Variants in ZNF554 observed in about 807,000 individuals in gnomAD.
ZNF554 encodes zinc finger protein 554.
In ZNF554, 15 loss-of-function variants were observed where a neutral mutation model predicts 21.2. That is an observed-to-expected ratio of 0.71 (90% CI 0.47 to 1.09). The LOEUF is 1.09. Ranked by LOEUF, ZNF554 falls within the 50% of genes least tolerant of loss-of-function variation. The pLI is 0.00. For synonymous variants in ZNF554, 258 were observed against 251.4 expected (o/e 1.03, Z -0.25); for missense variants, 691 against 662.7 (o/e 1.04, Z -0.47).
chr19:2,820,071 G>A lies in ZNF554; in HGVS notation c.-1G>A, dbSNP rs538697464. 8.3e-5 allele frequency: 101 copies of A among 1,211,396 alleles called. 1 individual carries two copies. The South Asian group carries it at 3.2e-3, about 39-fold the overall frequency. 75.0% of individuals were successfully genotyped at this position (1,211,396 alleles called of 1,614,324 possible). A position where few individuals can be genotyped will look rare whatever the true frequency, so the allele number is the denominator to read the frequency against. The stretch of plus-strand genomic sequence containing the variant: ...TGTCTGGCGCCTCAGCGCGCGCCCC[G>A]ATGGTCACCTGCGCCCACCTGGGCC... On this transcript the variant is annotated 5_prime_UTR_variant, in exon 1 of 5. Transcript: ENST00000317243.
chr19:2,823,119 T>C lies in ZNF554; in HGVS notation c.126+7T>C. ...CCTGCCCCGCTGGTCCCAGGTGAGA[T>C]GTCCTCATTCTCCCAAAGGGCACCC... On this transcript the variant is annotated splice_region_variant and intron_variant, in intron 2 of 4. Transcript: ENST00000317243. 6.2e-7 allele frequency: 1 copy of C among 1,611,626 alleles called. No homozygotes were observed. The highest frequency in any genetic ancestry group is 8.5e-7 in the Non-Finnish European group (1 of 1,178,188).
At position 2,835,174 on chromosome 19, in the gene ZNF554, T is replaced by G. The variant is rs1028535050; in HGVS notation, c.*322T>G. On this transcript the variant is annotated 3_prime_UTR_variant, in exon 5 of 5. Transcript: ENST00000317243. ...CCACCACGCCCAGCAAATTTTTAAA[T>G]TTATTATAGAGTGGGAGGCAGGGTG... 4.7e-5 allele frequency: 11 copies of G among 232,002 alleles called. No individual in the cohort carries two copies. Among genetic ancestry groups the G allele is most frequent in the Admixed American group, 1.0e-4 (2 of 19,764 alleles). 14.4% of individuals were successfully genotyped at this position (232,002 alleles called of 1,614,324 possible).
rs752547592 is a variant in ZNF554 at position 2,832,324 on chromosome 19, C to T, written c.275C>T (p.Thr92Ile). 1 of 1,606,280 alleles carries T rather than the reference C, an allele frequency of 6.2e-7. No homozygotes were observed. Among genetic ancestry groups the T allele is most frequent in the Non-Finnish European group, 8.5e-7 (1 of 1,177,408 alleles). ...VSLEALKNQC[T>I]DVGIKEGPLS... ...TCAGAAGCCTTGAAGAACCAATGTACTGATGTGGGGATTAAAGAGGGTCCA... is the reference window on the plus strand; with the variant it reads ...TCAGAAGCCTTGAAGAACCAATGTATTGATGTGGGGATTAAAGAGGGTCCA... The change falls in exon 4 of 5, where the codon ACT (threonine) becomes ATT (isoleucine). Residue 92 changes from threonine (T) to isoleucine (I), a missense_variant. Transcript: ENST00000317243.
In ZNF554 at chr19:2,827,755, A is replaced by G; in HGVS notation, c.253+12A>G. 1.9e-6 allele frequency: 3 copies of G among 1,613,902 alleles called. No individual in the cohort carries two copies. The highest frequency in any genetic ancestry group is 1.7e-6 in the Non-Finnish European group (2 of 1,179,906). On this transcript the variant is annotated intron_variant, in intron 3 of 4. Transcript: ENST00000317243. Reference sequence around the variant, plus strand: ...CGTGGTCTCCCTGGGTAAGGCAAGCATCACTAATTCCTGTGTTCATTGATT... The same window carrying G: ...CGTGGTCTCCCTGGGTAAGGCAAGCGTCACTAATTCCTGTGTTCATTGATT...
chr19:2,819,988 C>A lies in ZNF554; in HGVS notation c.-84C>A, dbSNP rs563305400. 2.2e-5 allele frequency: 24 copies of A among 1,083,442 alleles called. 1 individual carries two copies. The South Asian group carries it at 1.0e-3, about 46-fold the overall frequency. 67.1% of individuals were successfully genotyped at this position (1,083,442 alleles called of 1,614,324 possible). A position where few individuals can be genotyped will look rare whatever the true frequency, so the allele number is the denominator to read the frequency against. On this transcript the variant is annotated 5_prime_UTR_variant, in exon 1 of 5. Coordinates refer to ENST00000317243, the MANE Select transcript of ZNF554 (RefSeq NM_001102651.2). ...GAGGAGCCGAGCGGAGGAGGCGTCC[C>A]AGGGACACGCAGGGGAGGCCGGCCG... is the stretch of plus-strand genomic sequence containing the variant.
chr19:2,824,831 C>G (rs1345209058), intron 2 of ZNF554, among the ~76,000 whole-genome samples: 2 of 152,086 alleles, frequency 1.3e-5, no homozygotes, highest in African/African-American at 2.4e-5. Flanking sequence ...AACTGAAGCT[C>G]TGTCCCCATG....
intron 3 of ZNF554, among the ~76,000 whole-genome samples, chr19:2,829,326 T>G (rs2087380507): frequency 6.6e-6 from 1 of 152,204 alleles, no homozygotes; most frequent in East Asian, 1.9e-4. Flanking sequence ...ACCACTGGAC[T>G]CCAGCCTGGG....
At chr19:2,826,178 G>A (rs981669833) in intron 2 of ZNF554, 1 of 145,650 alleles carries the variant, frequency 6.9e-6, no homozygotes, top group Admixed American at 7.0e-5. Flanking sequence ...GGGATTACAG[G>A]TGTGAGCCAC....
chr19:2,830,552 A>G (rs1033272564), intron 3 of ZNF554: 2 of 152,074 alleles, frequency 1.3e-5, no homozygotes, highest in African/African-American at 2.4e-5. Flanking sequence ...CGGTAATTCT[A>G]TGTTTAGAAT....
chr19:2,827,469 G>A (rs1359848544), intron 2 of ZNF554, 148 bp from the exon 3 acceptor site: 6 of 926,548 alleles, frequency 6.5e-6, no homozygotes, highest in Non-Finnish European at 9.5e-6. Flanking sequence ...CCAAGGACAA[G>A]CACCCACAAG....
chr19:2,823,227 TC>T (rs1413294538), intron 2 of ZNF554, 115 bp downstream of exon 2: 1 of 1,028,744 alleles, frequency 9.7e-7, no homozygotes, highest in Non-Finnish European at 1.4e-6. Context: ...TCAGGAGAAT[TC>T]CCCAGGAGTG....
At position 2,835,945 on chromosome 19, in the gene ZNF554, C is replaced by G. The variant is rs1329422072; in HGVS notation, c.*1093C>G. On this transcript the variant is annotated 3_prime_UTR_variant, in exon 5 of 5. Coordinates refer to ENST00000317243, the MANE Select transcript of ZNF554 (RefSeq NM_001102651.2). The stretch of plus-strand genomic sequence containing the variant: ...CTGGACTCAAGCAATCCTCCCACCT[C>G]AGCCTCTCCGGTAGCTGGGACTACA... Among the ~76,000 whole-genome samples the G allele has an allele frequency of 3.3e-5, 5 of 152,126 alleles. No individual in the cohort carries two copies. The highest frequency in any genetic ancestry group is 3.3e-4 in the Admixed American group (5 of 15,260).
In ZNF554 at chr19:2,821,609, C is replaced by T. The variant is rs1475168476; in HGVS notation, c.54-1431C>T. Among the ~76,000 whole-genome samples, 2 of 151,900 alleles carry T rather than the reference C, an allele frequency of 1.3e-5. No individual in the cohort carries two copies. Among genetic ancestry groups the T allele is most frequent in the Admixed American group, 1.3e-4 (2 of 15,270 alleles). ...TCCCTTGGCTTGGGGCCACATCACT[C>T]CAAGCTCTGCCTGCATCATCATGTG... On this transcript the variant is annotated intron_variant, in intron 1 of 4. Transcript: ENST00000317243. This position sits in a 1 kb window ranked among gnomAD's most constrained non-coding sequence, Gnocchi z 8.2.
At position 2,834,658 on chromosome 19, in the gene ZNF554, C is replaced by A; in HGVS notation, c.1423C>A (p.Gln475Lys). 1 of 1,614,038 alleles carries A rather than the reference C, an allele frequency of 6.2e-7. No individual in the cohort carries two copies. Among genetic ancestry groups the A allele is most frequent in the South Asian group, 1.1e-5 (1 of 91,080 alleles). The part of the protein sequence containing the change: ...ECKQCGRAFS[Q>K]RSSLVRHERT... The stretch of plus-strand genomic sequence containing the variant: ...TAAGCAGTGTGGGAGAGCCTTCAGC[C>A]AGAGGTCTTCCCTTGTGAGGCACGA... Residue 475 changes from glutamine (Q) to lysine (K), a missense_variant, in exon 5 of 5, where the codon CAG (glutamine) becomes AAG (lysine). Physicochemically the swap from Gln to Lys is moderately conservative, Grantham distance 53. Coordinates refer to ENST00000317243, the MANE Select transcript of ZNF554 (RefSeq NM_001102651.2).
Position 2,825,000 on chromosome 19 carries a change from G to GTTTTTTTT in ZNF554, c.126+1890_126+1891insTTTTTTTT, listed in dbSNP as rs1568332468. 1.7e-5 allele frequency among the ~76,000 whole-genome samples: 2 copies of GTTTTTTTT among 114,914 alleles called. 1 individual carries two copies. The highest frequency in any genetic ancestry group is 3.6e-5 in the Non-Finnish European group (2 of 55,646). The allele number at this position is 114,914 out of a possible 152,430, so 75.4% of individuals were successfully genotyped here. On this transcript the variant is annotated intron_variant, in intron 2 of 4. Coordinates refer to ENST00000317243, the MANE Select transcript of ZNF554 (RefSeq NM_001102651.2). ...TCTCACTGAGCATAACGTGATTGCA[G>GTTTTTTTT]TTGTTTTTTTTTTTTTTTTTTTTTT...
Position 2,833,684 on chromosome 19 carries a change from G to A in ZNF554, c.449G>A (p.Trp150Ter). The A allele has an allele frequency of 6.6e-7, 1 of 1,515,154 alleles. No homozygotes were observed. The highest frequency in any genetic ancestry group is 8.8e-7 in the Non-Finnish European group (1 of 1,132,212). 93.9% of individuals were successfully genotyped at this position (1,515,154 alleles called of 1,614,324 possible). A position where few individuals can be genotyped will look rare whatever the true frequency, so the allele number is the denominator to read the frequency against. Residue 150 changes from tryptophan (W) to a stop codon, truncating the protein, a stop_gained, in exon 5 of 5, where the codon TGG becomes TAG. Coordinates refer to ENST00000317243, the MANE Select transcript of ZNF554 (RefSeq NM_001102651.2). LOFTEE classifies it low-confidence loss of function (END_TRUNC). ...KGTPQASCSD[W>*]MTVLRNQDST... ...TTTCCGCCTCAATTTATTTCAGATT[G>A]GATGACTGTACTAAGAAACCAAGAC...
intron 2 of ZNF554, among the ~76,000 whole-genome samples, chr19:2,825,658 CCTG>C (rs2087322291): frequency 6.6e-6 from 1 of 152,168 alleles, no homozygotes. Flanking sequence ...GTCTTGAACT[CCTG>C]GGCTCAAACA....
chr19:2,820,295 A>T (rs2087245273), intron 1 of ZNF554, among the ~76,000 whole-genome samples, 171 bp downstream of exon 1: 1 of 152,204 alleles, frequency 6.6e-6, no homozygotes, highest in African/African-American at 2.4e-5. Flanking sequence ...CCAGGATGGC[A>T]CGGTCTGCCC....
In ZNF554 at chr19:2,833,988, T is replaced by C; in HGVS notation, c.753T>C (p.Ile251=). The change falls in exon 5 of 5, where the codon ATT becomes ATC. Residue 251 remains isoleucine, a synonymous_variant. Coordinates refer to ENST00000317243, the MANE Select transcript of ZNF554 (RefSeq NM_001102651.2). ...ACTTGTGTGGCAGCGAGTTAGATAT[T>C]ACAAGCTTGGCATCCGATTCAGTCT... ...GNHLCGSELD[I]TSLASDSVLN... 1 of 1,614,148 alleles carries C rather than the reference T, an allele frequency of 6.2e-7. No individual in the cohort carries two copies. Among genetic ancestry groups the C allele is most frequent in the Non-Finnish European group, 8.5e-7 (1 of 1,180,040 alleles).
Sources: gnomAD v4.1 joint callset for allele counts (sites outside exome capture counted in the v4.1 genomes callset) on GRCh38, gnomAD v4.1.1 for gene constraint, Gnocchi (gnomAD v3.1) non-coding constraint, MANE v1.5 for transcripts, NCBI Gene and HGNC (gene_info 2026-07-23, HGNC 2026-07-21) for gene names.